TTBK2: variants seen among roughly 807,000 people sequenced by gnomAD.
TTBK2 encodes tau tubulin kinase 2, also known as tau-tubulin kinase 2.
In TTBK2, 28 loss-of-function variants were observed where a neutral mutation model predicts 110.8. The observed-to-expected ratio is 0.25, with a 90% CI of 0.19 to 0.35. The LOEUF (loss-of-function observed/expected upper bound fraction) is 0.35. TTBK2 is among the 10% of genes least tolerant of loss of function. TTBK2 has a pLI of 1.00. For missense variants in TTBK2, 1,369 were observed against 1,500.3 expected, an observed-to-expected ratio of 0.91 and a Z score of 1.45; for synonymous variants, 532 against 527.3, an observed-to-expected ratio of 1.01 and a Z score of -0.12.
chr15:42,769,002 A>C lies in TTBK2; in HGVS notation c.1998+6133T>G, dbSNP rs548299640. 7.9e-5 allele frequency among the ~76,000 whole-genome samples: 12 copies of C among 152,256 alleles called. No individual in the cohort carries two copies. In the East Asian group the frequency reaches 1.9e-3, roughly 24 times the overall value. On this transcript the variant is annotated intron_variant, in intron 13 of 14. Transcript: ENST00000267890. ...CTTTGACAAACCCGACAAAAACAAG[A>C]AATGGGGAAAGGATTCCCTATTTAA...
intron 13 of TTBK2, among the ~76,000 whole-genome samples, chr15:42,759,287 C>T (rs1330776480): frequency 6.6e-6 from 1 of 152,242 alleles, no homozygotes; most frequent in Admixed American, 6.5e-5. Flanking sequence ...GAGGAGCTGA[C>T]CCACCTTCAG....
intron 1 of TTBK2, among the ~76,000 whole-genome samples, chr15:42,910,641 CAGG>C (rs2141210232): frequency 6.6e-6 from 1 of 152,198 alleles, no homozygotes; most frequent in South Asian, 2.1e-4. Context: ...AGTTAATAAT[CAGG>C]AGAAGAAAAG....
At chr15:42,806,558 G>T (rs1372265997) in intron 9 of TTBK2, among the ~76,000 whole-genome samples, 4 of 152,096 alleles carry the variant, frequency 2.6e-5, no homozygotes, top group African/African-American at 4.8e-5. Flanking sequence ...CCTCAACCTG[G>T]TCTCTCTCCT....
intron 9 of TTBK2, chr15:42,800,209 A>G: frequency 2.4e-6 from 1 of 414,822 alleles, no homozygotes; most frequent in South Asian, 1.8e-5. Flanking sequence ...TAATGACCAC[A>G]TATTACTTTT....
intron 10 of TTBK2, among the ~76,000 whole-genome samples, chr15:42,787,211 C>T (rs1890450575): frequency 6.6e-6 from 1 of 152,048 alleles, no homozygotes; most frequent in South Asian, 2.1e-4. Context: ...ACTATAACAG[C>T]AATGACAGTA....
intron 12 of TTBK2, 80 bp downstream of exon 12, chr15:42,776,951 A>G: frequency 6.9e-7 from 1 of 1,456,284 alleles, no homozygotes; most frequent in Non-Finnish European, 9.6e-7. Context: ...TAACAGAAAT[A>G]TACAATAATA....
chr15:42,856,344 T>G (rs763188276), intron 3 of TTBK2, among the ~76,000 whole-genome samples: 6 of 152,124 alleles, frequency 3.9e-5, no homozygotes, highest in Non-Finnish European at 8.8e-5. Flanking sequence ...TTTCGGACTA[T>G]TTTATCAAAC....
chr15:42,797,130 T>C (rs1225018900), intron 9 of TTBK2, among the ~76,000 whole-genome samples: 1 of 152,164 alleles, frequency 6.6e-6, no homozygotes, highest in Non-Finnish European at 1.5e-5. Context: ...AAGGTTCTCA[T>C]AGGTTCTCAC....
At chr15:42,755,252 C>T (rs2061930929) in intron 13 of TTBK2, among the ~76,000 whole-genome samples, 1 of 151,990 alleles carries the variant, frequency 6.6e-6, no homozygotes, top group Non-Finnish European at 1.5e-5. Context: ...AAGTTCAAAT[C>T]ACTTAATGAG....
rs200125366 is a variant in TTBK2 at position 42,817,040 on chromosome 15, G to A, written c.595C>T (p.Arg199Trp). The change falls in exon 7 of 15, where the codon CGG becomes TGG. Residue 199 changes from arginine (R) to tryptophan (W), a missense_variant. By Grantham distance (101) the Arg-to-Trp change is moderately radical. Transcript: ENST00000267890. ...CTAGTTCAGATACCTACCCTGTTCC[G>A]ATGTGCGTTGATTGATGCATAACGA... ...TVRYASINAH[R>W]NREMGRHDDL... The A allele has an allele frequency of 2.6e-4, 409 of 1,602,768 alleles. No homozygotes were observed. The highest frequency in any genetic ancestry group is 1.7e-3 in the Middle Eastern group (10 of 6,014).
intron 1 of TTBK2, among the ~76,000 whole-genome samples, chr15:42,879,681 G>A (rs1343196700): frequency 6.6e-6 from 1 of 151,520 alleles, no homozygotes; most frequent in Non-Finnish European, 1.5e-5. Flanking sequence ...CCTGCAGACT[G>A]TTTACCAACC....
At chr15:42,828,835 C>T (rs1002923832) in intron 5 of TTBK2, among the ~76,000 whole-genome samples, 1 of 151,942 alleles carries the variant, frequency 6.6e-6, no homozygotes, top group Non-Finnish European at 1.5e-5. Context: ...GGAAAATACA[C>T]TTTGTATTCT....
chr15:42,846,907 TG>T (rs934534687), intron 3 of TTBK2, among the ~76,000 whole-genome samples: 4 of 152,086 alleles, frequency 2.6e-5, no homozygotes, highest in Non-Finnish European at 4.4e-5. Context: ...GTGGAAGTGC[TG>T]GGGGGGTGGC....
At chr15:42,832,224 T>C (rs1052135617) in intron 4 of TTBK2, among the ~76,000 whole-genome samples, 1 of 152,324 alleles carries the variant, frequency 6.6e-6, no homozygotes, top group East Asian at 1.9e-4. Context: ...CAATAGTTTT[T>C]TCTTCAAAAA....
intron 1 of TTBK2, among the ~76,000 whole-genome samples, chr15:42,881,229 G>A (rs1895028643): frequency 1.5e-5 from 2 of 130,778 alleles, no homozygotes; most frequent in South Asian, 4.8e-4. Flanking sequence ...CTTGCAGTGA[G>A]CCAAGATTGT....
chr15:42,888,852 A>C (rs1344822392), intron 1 of TTBK2, among the ~76,000 whole-genome samples: 2 of 152,140 alleles, frequency 1.3e-5, no homozygotes, highest in African/African-American at 2.4e-5. Context: ...GTAGCTAAAG[A>C]AGCAGCTAGC....
intron 13 of TTBK2, among the ~76,000 whole-genome samples, chr15:42,756,037 A>C (rs1305869646): frequency 6.6e-6 from 1 of 151,834 alleles, no homozygotes; most frequent in African/African-American, 2.4e-5. Context: ...CTCTACTAAA[A>C]ATACAAAAAA....
chr15:42,868,689 T>A (rs1478592212), intron 3 of TTBK2, among the ~76,000 whole-genome samples: 1 of 142,016 alleles, frequency 7.0e-6, no homozygotes, highest in Non-Finnish European at 1.5e-5. Flanking sequence ...AGACTCTACA[T>A]CTCTACAAAA....
intron 11 of TTBK2, among the ~76,000 whole-genome samples, chr15:42,782,215 G>A (rs1890208989): frequency 1.3e-5 from 2 of 152,138 alleles, no homozygotes; most frequent in Admixed American, 1.3e-4. Flanking sequence ...GGGATTACAG[G>A]CACCCACCAC....
Sources: allele counts gnomAD v4.1 joint callset (sites outside exome capture counted in the v4.1 genomes callset), GRCh38; gene constraint gnomAD v4.1.1; transcripts MANE v1.5; gene names NCBI Gene and HGNC (gene_info 2026-07-23, HGNC 2026-07-21).